Variants in NPAS3 observed in about 807,000 individuals in gnomAD.
The protein encoded by NPAS3 is neuronal PAS domain-containing protein 3.
In NPAS3, 14 loss-of-function variants were observed where a neutral mutation model predicts 73.1. That is an observed-to-expected ratio of 0.19 (90% CI 0.13 to 0.30). The LOEUF is 0.30. Among genes scored for constraint, NPAS3 ranks in the 10% least tolerant of loss-of-function variants. The probability of loss-of-function intolerance (pLI) is 1.00; values close to 1 mark genes in which losing one functional copy is unlikely to be tolerated. For synonymous variants in NPAS3, 620 were observed against 541.5 expected (o/e 1.14, Z -2.01); for missense variants, 1,096 against 1,250.0 (o/e 0.88, Z 1.86).
rs554028434 is a variant in NPAS3, at chr14:32,994,601, C to T, written c.50+55235C>T. ...ATTAAAAAAAAAAATTGGATAGGCT[C>T]GCCATTCTAGTTTTTTGTTTGTTTG... On this transcript the variant is annotated intron_variant, in intron 1 of 11. Coordinates refer to ENST00000356141, the Ensembl canonical transcript of NPAS3. 2.4e-3 allele frequency among the ~76,000 whole-genome samples: 360 copies of T among 147,568 alleles called. 2 individuals are homozygous for T. Among genetic ancestry groups the T allele is most frequent in the African/African-American group, 8.7e-3 (345 of 39,614 alleles).
In NPAS3 at chr14:33,427,904, C is replaced by T. The variant is rs1054072046; in HGVS notation, c.468+60636C>T. On this transcript the variant is annotated intron_variant, in intron 4 of 11. Transcript: ENST00000356141. ...TGTTGGTAGTGGAGACCATCATTTC[C>T]AGGGAATGAGAAAAAGTCAAAATAC... Among the ~76,000 whole-genome samples the T allele has an allele frequency of 3.9e-5, 6 of 151,914 alleles. No homozygotes were observed. The East Asian group carries it at 5.8e-4, about 15-fold the overall frequency.
chr14:33,003,070 CT>C lies in NPAS3; in HGVS notation c.51-52823del, dbSNP rs76957822. Among the ~76,000 whole-genome samples the C allele has an allele frequency of 9.7e-3, 1,373 of 141,100 alleles. 7 individuals are homozygous for C. Among genetic ancestry groups the C allele is most frequent in the Non-Finnish European group, 0.012 (783 of 64,186 alleles). 92.6% of individuals were successfully genotyped at this position (141,100 alleles called of 152,430 possible). ...ATGATTTCATTCGTAATTTTTGTTTCTTTTTTTTTTTTCGCAGAATTGAGGA... is the reference window on the plus strand; with the variant it reads ...ATGATTTCATTCGTAATTTTTGTTTCTTTTTTTTTTTCGCAGAATTGAGGA... On this transcript the variant is annotated intron_variant, in intron 1 of 11. Transcript: ENST00000356141.
exon 6 of NPAS3, chr14:33,676,279 G>C: frequency 6.2e-7 from 1 of 1,613,744 alleles, no homozygotes; most frequent in Non-Finnish European, 8.5e-7. Flanking sequence ...TGGCTGAGCA[G>C]CTGGGCATGA....
chr14:33,045,369 C>G (rs1008661981), intron 1 of NPAS3, among the ~76,000 whole-genome samples: 2 of 152,194 alleles, frequency 1.3e-5, no homozygotes, highest in African/African-American at 4.8e-5. Flanking sequence ...ATCTTAAACT[C>G]TAAGTTGTGA....
chr14:33,021,501 C>T (rs1246355267), intron 1 of NPAS3, among the ~76,000 whole-genome samples: 1 of 152,110 alleles, frequency 6.6e-6, no homozygotes, highest in Non-Finnish European at 1.5e-5. Context: ...TCAAAACCAG[C>T]CTACAGACAC....
At chr14:33,714,058 T>A (rs1311449384) in intron 6 of NPAS3, among the ~76,000 whole-genome samples, 1 of 151,944 alleles carries the variant, frequency 6.6e-6, no homozygotes, top group African/African-American at 2.4e-5. Flanking sequence ...CTCAGTGAGG[T>A]CTTCTCTGGC....
chr14:32,948,579 G>C (rs1462467746), intron 1 of NPAS3, among the ~76,000 whole-genome samples: 1 of 152,070 alleles, frequency 6.6e-6, no homozygotes. Context: ...GCAATGGTTA[G>C]TTTTTGCCTC....
At chr14:33,506,930 T>C (rs2139970835) in intron 4 of NPAS3, among the ~76,000 whole-genome samples, 1 of 152,146 alleles carries the variant, frequency 6.6e-6, no homozygotes, top group Admixed American at 6.5e-5. Flanking sequence ...AATTGTAAAC[T>C]TTTGAATCAT....
intron 7 of NPAS3, among the ~76,000 whole-genome samples, chr14:33,755,687 G>A (rs994986379): frequency 6.6e-6 from 1 of 152,090 alleles, no homozygotes; most frequent in Non-Finnish European, 1.5e-5. Context: ...ACTGTCTTAG[G>A]CCATTCTATG....
chr14:33,284,758 ATATCTATATC>A (rs890238146), intron 3 of NPAS3, among the ~76,000 whole-genome samples: 4 of 130,340 alleles, frequency 3.1e-5, no homozygotes, highest in South Asian at 2.6e-4. Flanking sequence ...CTATATATCT[ATATCTATATC>A]TATCTATCTA....
intron 3 of NPAS3, among the ~76,000 whole-genome samples, chr14:33,338,654 A>G (rs2044337131): frequency 6.6e-6 from 1 of 152,170 alleles, no homozygotes; most frequent in African/African-American, 2.4e-5. Context: ...GATAATTCTT[A>G]TACTGCATTA....
At chr14:33,529,430 G>A (rs757108807) in intron 4 of NPAS3, among the ~76,000 whole-genome samples, 5 of 152,040 alleles carry the variant, frequency 3.3e-5, no homozygotes, top group Non-Finnish European at 5.9e-5. Flanking sequence ...AAGCTTTGCA[G>A]GCTAGTCTGT....
rs11156794 is a variant in NPAS3, at chr14:33,500,047, T to A, written c.469-60074T>A. On this transcript the variant is annotated intron_variant, in intron 4 of 11. Transcript: ENST00000356141. Reference sequence around the variant, plus strand: ...GTTACTGCCCTTCCTCACTGATTTCTTATGAAACGGTAGCTTTAGGGTCAG... The same window carrying A: ...GTTACTGCCCTTCCTCACTGATTTCATATGAAACGGTAGCTTTAGGGTCAG... Among the ~76,000 whole-genome samples the A allele has an allele frequency of 9.2e-3, 1,395 of 152,034 alleles. 22 individuals are homozygous for A. The highest frequency in any genetic ancestry group is 0.03 in the African/African-American group (1,266 of 41,512).
intron 8 of NPAS3, among the ~76,000 whole-genome samples, chr14:33,777,324 T>C (rs999989839): frequency 6.6e-6 from 1 of 152,214 alleles, no homozygotes; most frequent in Non-Finnish European, 1.5e-5. Context: ...CCCCAGTTAA[T>C]CTTATCTTAC....
At chr14:33,513,220 A>C (rs1024844382) in intron 4 of NPAS3, among the ~76,000 whole-genome samples, 3 of 152,000 alleles carry the variant, frequency 2.0e-5, no homozygotes, top group African/African-American at 7.2e-5. Context: ...AAATTTTTTC[A>C]TTCCAATACT....
At chr14:33,038,052 A>G (rs969390310) in intron 1 of NPAS3, among the ~76,000 whole-genome samples, 1 of 152,038 alleles carries the variant, frequency 6.6e-6, no homozygotes, top group Non-Finnish European at 1.5e-5. Flanking sequence ...GGAAAGATCT[A>G]TTTCCTCTTT....
chr14:33,643,490 A>G (rs921873359), intron 5 of NPAS3, among the ~76,000 whole-genome samples: 1 of 152,124 alleles, frequency 6.6e-6, no homozygotes, highest in African/African-American at 2.4e-5. Context: ...TGTGTCAAAA[A>G]GCATCTTTGT....
intron 2 of NPAS3, among the ~76,000 whole-genome samples, chr14:33,192,711 T>C (rs913023451): frequency 2.0e-5 from 3 of 152,216 alleles, no homozygotes; most frequent in East Asian, 1.9e-4. Context: ...TCAAATTGTG[T>C]TCTAGTAACT....
intron 4 of NPAS3, among the ~76,000 whole-genome samples, chr14:33,491,410 T>C (rs1454081780): frequency 1.3e-5 from 2 of 152,042 alleles, no homozygotes; most frequent in Non-Finnish European, 2.9e-5. Context: ...GGCCTCTGGA[T>C]GGTGTTATCC....
Sources: allele counts gnomAD v4.1 joint callset (sites outside exome capture counted in the v4.1 genomes callset), GRCh38; gene constraint gnomAD v4.1.1; transcripts MANE v1.5; gene names NCBI Gene and HGNC (gene_info 2026-07-23, HGNC 2026-07-21).